Variants in SHANK1 observed in about 807,000 individuals in gnomAD.
The protein encoded by SHANK1 is SH3 and multiple ankyrin repeat domains 1.
SHANK1 carries 35 observed loss-of-function variants against 165.6 expected under a neutral mutation model. The ratio of observed to expected loss-of-function variants is 0.21; its 90% confidence interval spans 0.16 to 0.28. The LOEUF (loss-of-function observed/expected upper bound fraction) is 0.28, where lower values mean the gene tolerates loss of function less well. SHANK1 is among the 10% of genes least tolerant of loss of function. SHANK1 has a pLI of 1.00. For missense variants in SHANK1, 2,681 were observed against 3,036.4 expected, an observed-to-expected ratio of 0.88 and a Z score of 2.75; for synonymous variants, 1,428 against 1,384.8, an observed-to-expected ratio of 1.03 and a Z score of -0.69.
chr19:50,698,252 G>C (rs116331184), intron 12 of SHANK1, among the ~76,000 whole-genome samples: 1 of 152,078 alleles, frequency 6.6e-6, no homozygotes, highest in Admixed American at 6.6e-5. Flanking sequence ...CCTGGTAACT[G>C]GTCACAGCTC....
Position 50,669,044 on chromosome 19 carries a change from C to A in SHANK1, c.2916G>T (p.Gly972=). The change falls in exon 23 of 24, where the codon GGG becomes GGT. Residue 972 remains glycine (G), a synonymous_variant. Coordinates refer to ENST00000293441, the MANE Select transcript of SHANK1 (RefSeq NM_016148.5). ...CCACGCGAGTGTCGGGAGGGGAGGG[C>A]CCGTCAAAGGATGCAGGGGAGGAGG... ...LPASSPASFD[G]PSPPDTRVGS... The A allele has an allele frequency of 2.2e-6, 2 of 907,838 alleles. No individual in the cohort carries two copies. Among genetic ancestry groups the A allele is most frequent in the Non-Finnish European group, 1.6e-6 (1 of 618,018 alleles). 56.2% of individuals were successfully genotyped at this position (907,838 alleles called of 1,614,324 possible).
rs780570568 is a variant in SHANK1 at position 50,697,049 on chromosome 19, G to T, written c.1964+47C>A. On this transcript the variant is annotated intron_variant, in intron 15 of 23. Transcript: ENST00000293441. The surrounding 1 kb of genome is among the most constrained non-coding windows in gnomAD (Gnocchi z 4.7). The stretch of plus-strand genomic sequence containing the variant: ...CGTTCACACGCCCCCCAGGCACCCC[G>T]TCCTTCCCCTCCTGACCCCATCCCC... 1 of 1,386,730 alleles carries T rather than the reference G, an allele frequency of 7.2e-7. No homozygotes were observed. Among genetic ancestry groups the T allele is most frequent in the East Asian group, 2.4e-5 (1 of 41,304 alleles). The allele number at this position is 1,386,730 out of a possible 1,614,324, so 85.9% of individuals were successfully genotyped here.
At position 50,702,371 on chromosome 19, in the gene SHANK1, T is replaced by A. The variant is rs959231468; in HGVS notation, c.1747+96A>T. The A allele has an allele frequency of 1.9e-4, 213 of 1,115,558 alleles. 1 individual carries two copies. The highest frequency in any genetic ancestry group is 5.3e-5 in the Non-Finnish European group (42 of 793,558). 69.1% of individuals were successfully genotyped at this position (1,115,558 alleles called of 1,614,324 possible). A position where few individuals can be genotyped will look rare whatever the true frequency, so the allele number is the denominator to read the frequency against. On this transcript the variant is annotated intron_variant, in intron 12 of 23. Transcript: ENST00000293441. This position sits in a 1 kb window ranked among gnomAD's most constrained non-coding sequence, Gnocchi z 5.3. ...GAGGTCTCCAGAGTGCATGAGATAC[T>A]CCAGGTGCCCGAGAATGGTCTGCTC...
chr19:50,694,999 C>T (rs1373389605), intron 15 of SHANK1, among the ~76,000 whole-genome samples: 2 of 149,162 alleles, frequency 1.3e-5, no homozygotes, highest in Non-Finnish European at 3.0e-5. Context: ...CCCACCGGGG[C>T]CGCCCCCGAG....
In SHANK1 at chr19:50,660,124, G is replaced by A. The variant is rs1413551568; in HGVS notation, c.*1841C>T. 1.3e-5 allele frequency among the ~76,000 whole-genome samples: 2 copies of A among 151,648 alleles called. No homozygotes were observed. Among genetic ancestry groups the A allele is most frequent in the South Asian group, 2.1e-4 (1 of 4,804 alleles). Reference sequence around the variant, plus strand: ...CTTCTTTGGCAGCTGAACATGGGGGGGGGACCTGAGGGCAACGCCCTCCCC... The same window carrying A: ...CTTCTTTGGCAGCTGAACATGGGGGAGGGACCTGAGGGCAACGCCCTCCCC... On this transcript the variant is annotated 3_prime_UTR_variant, in exon 24 of 24. Transcript: ENST00000293441.
chr19:50,707,923 T>C (rs2088963433), intron 8 of SHANK1, among the ~76,000 whole-genome samples: 1 of 117,130 alleles, frequency 8.5e-6, no homozygotes, highest in African/African-American at 3.8e-5. Context: ...TTTCTTTTCT[T>C]TTCTTTTCTT....
At position 50,688,029 on chromosome 19, in the gene SHANK1, G is replaced by A. The variant is rs1204489162; in HGVS notation, c.2202C>T (p.Gly734=). ...EVNGQNVVKV[G]HRQVVNMIRQ... ...GGATCATGTTCACCACCTGTCGGTG[G>A]CCGACCTTCACCACATTCTGCCCGT... Residue 734 remains glycine, a synonymous_variant, in exon 18 of 24, where the codon GGC becomes GGT. Coordinates refer to ENST00000293441, the MANE Select transcript of SHANK1 (RefSeq NM_016148.5). This position sits in a 1 kb window ranked among gnomAD's most constrained non-coding sequence, Gnocchi z 6.7. 12 of 1,614,088 alleles carry A rather than the reference G, an allele frequency of 7.4e-6. No individual in the cohort carries two copies. The East Asian group carries it at 2.7e-4, about 36-fold the overall frequency.
intron 8 of SHANK1, among the ~76,000 whole-genome samples, chr19:50,706,182 G>GGT (rs2088937117): frequency 7.2e-6 from 1 of 137,946 alleles, no homozygotes; most frequent in Non-Finnish European, 1.6e-5. Context: ...GGTTGGGGGG[G>GGT]CTCAAGGTCA....
intron 8 of SHANK1, among the ~76,000 whole-genome samples, chr19:50,708,421 C>CT (rs1301735137): frequency 1.3e-5 from 2 of 152,094 alleles, no homozygotes; most frequent in Admixed American, 1.3e-4. Flanking sequence ...CATCCTAGCA[C>CT]TTATCTCATG....
rs944443631 is a variant in SHANK1 at position 50,668,848 on chromosome 19, G to A, written c.3112C>T (p.Arg1038Cys). The change falls in exon 23 of 24, where the codon CGC becomes TGC. Residue 1038 changes from arginine to cysteine, a missense_variant. This residue lies in a region of SHANK1 where 1,713 missense variants were observed against 1,630.2 expected (regional missense o/e 1.05). Coordinates refer to ENST00000293441, the MANE Select transcript of SHANK1 (RefSeq NM_016148.5). ...CTGGGCTGGGGCCCCAGAGCCAGGC[G>A]GGGTGGAGGGTCGTCGGGAGAGCCG... ...TGGSPDDPPPRLALGPQPSLR... is the reference protein window; with the variant it reads ...TGGSPDDPPPCLALGPQPSLR... 3.9e-6 allele frequency: 5 copies of A among 1,282,046 alleles called. No homozygotes were observed. The highest frequency in any genetic ancestry group is 1.6e-5 in the African/African-American group (1 of 63,886). The allele number at this position is 1,282,046 out of a possible 1,614,324, so 79.4% of individuals were successfully genotyped here. A position where few individuals can be genotyped will look rare whatever the true frequency, so the allele number is the denominator to read the frequency against.
Position 50,670,763 on chromosome 19 carries a change from C to T in SHANK1, c.2674+1255G>A, listed in dbSNP as rs970183397. Among the ~76,000 whole-genome samples, 11 of 152,082 alleles carry T rather than the reference C, an allele frequency of 7.2e-5. No individual in the cohort carries two copies. The East Asian group carries it at 7.7e-4, about 11-fold the overall frequency. On this transcript the variant is annotated intron_variant, in intron 22 of 23. Coordinates refer to ENST00000293441, the MANE Select transcript of SHANK1 (RefSeq NM_016148.5). The surrounding 1 kb of genome is among the most constrained non-coding windows in gnomAD (Gnocchi z 4.1). ...AATGCCTCAACCCCAGGGAGCCTCA[C>T]GATTCCCCACTTCATCTCTAGGTGT...
rs555577816 is a variant in SHANK1 at position 50,703,715 on chromosome 19, G to A, written c.1338C>T (p.Pro446=). The stretch of plus-strand genomic sequence containing the variant: ...CCGGGGCGGAGAACACCATCCAGTC[G>A]GGCAGCGCCATGCTGGTGTCACTGT... ...RANSDTSMAL[P]DWMVFSAPGA... is the part of the protein sequence containing the mutation. Residue 446 remains proline (P), a synonymous_variant, in exon 11 of 24, where the codon CCC becomes CCT. Transcript: ENST00000293441. The A allele has an allele frequency of 4.5e-5, 66 of 1,456,242 alleles. No homozygotes were observed. The highest frequency in any genetic ancestry group is 2.2e-4 in the Middle Eastern group (1 of 4,518). The allele number at this position is 1,456,242 out of a possible 1,614,324, so 90.2% of individuals were successfully genotyped here.
intron 21 of SHANK1, 55 bp from the exon 22 acceptor site, chr19:50,672,169 A>G (rs957065967): frequency 5.9e-5 from 82 of 1,398,458 alleles, no homozygotes; most frequent in Non-Finnish European, 7.5e-5. Flanking sequence ...GAGATCAGTC[A>G]GCGCAGAAAG....
chr19:50,674,586 G>T (rs1985914919), intron 21 of SHANK1, among the ~76,000 whole-genome samples: 1 of 152,044 alleles, frequency 6.6e-6, no homozygotes. Flanking sequence ...CCCTGGCCCG[G>T]CTACCCGCTT....
At chr19:50,671,973 C>T (rs371460495) in intron 22 of SHANK1, 45 bp downstream of exon 22, 2 of 1,417,658 alleles carry the variant, frequency 1.4e-6, no homozygotes, top group Admixed American at 1.8e-5. Flanking sequence ...CTGTCACGTT[C>T]CTGGCCTCCC....
chr19:50,695,340 C>T (rs1217318023), intron 15 of SHANK1, among the ~76,000 whole-genome samples: 3 of 146,238 alleles, frequency 2.1e-5, no homozygotes, highest in East Asian at 2.0e-4. Context: ...CGGACAGCTC[C>T]GGAGGCGGGC....
intron 8 of SHANK1, among the ~76,000 whole-genome samples, chr19:50,706,636 G>A (rs921125178): frequency 3.3e-5 from 5 of 151,378 alleles, no homozygotes; most frequent in Middle Eastern, 3.2e-3. Flanking sequence ...ATCCTTTCCC[G>A]CTAGATCTCA....
chr19:50,688,991 G>A lies in SHANK1; in HGVS notation c.2048-23C>T, dbSNP rs758043253. Reference sequence around the variant, plus strand: ...GCGCTGCAGACAGGGAGGAGCCGGCGGGGTCGGAGGGGAGGGGGTGGAGAG... The same window carrying A: ...GCGCTGCAGACAGGGAGGAGCCGGCAGGGTCGGAGGGGAGGGGGTGGAGAG... On this transcript the variant is annotated intron_variant, in intron 16 of 23. Transcript: ENST00000293441. The surrounding 1 kb of genome is among the most constrained non-coding windows in gnomAD (Gnocchi z 6.7). The A allele has an allele frequency of 1.5e-4, 219 of 1,507,670 alleles. No individual in the cohort carries two copies. The highest frequency in any genetic ancestry group is 2.2e-4 in the Middle Eastern group (1 of 4,576). The allele number at this position is 1,507,670 out of a possible 1,614,324, so 93.4% of individuals were successfully genotyped here.
rs760138530 is a variant in SHANK1 at position 50,697,569 on chromosome 19, G to A, written c.1937+20C>T. 39 of 1,599,226 alleles carry A rather than the reference G, an allele frequency of 2.4e-5. No homozygotes were observed. The highest frequency in any genetic ancestry group is 1.2e-4 in the South Asian group (11 of 90,754). On this transcript the variant is annotated intron_variant, in intron 14 of 23. Coordinates refer to ENST00000293441, the MANE Select transcript of SHANK1 (RefSeq NM_016148.5). The surrounding 1 kb of genome is among the most constrained non-coding windows in gnomAD (Gnocchi z 4.7). ...GAACTTGGGGTGAGGGGGGTTGCCC[G>A]AGGGTGTAAGGACATTTACCTTGGG...
Sources: gnomAD v4.1 joint callset for allele counts (sites outside exome capture counted in the v4.1 genomes callset) on GRCh38, gnomAD v4.1.1 for gene constraint, gnomAD v4.1.1 regional missense constraint, Gnocchi (gnomAD v3.1) non-coding constraint, MANE v1.5 for transcripts, NCBI Gene and HGNC (gene_info 2026-07-23, HGNC 2026-07-21) for gene names.